SCAF11: variants seen among roughly 807,000 people sequenced by gnomAD.
SCAF11 encodes the protein protein SCAF11.
A neutral mutation model predicts 140.5 loss-of-function variants in SCAF11; 47 were observed. The ratio of observed to expected loss-of-function variants is 0.33; its 90% CI spans 0.26 to 0.43. SCAF11 has a LOEUF of 0.43. SCAF11 is among the 20% of genes least tolerant of loss of function. The probability of loss-of-function intolerance (pLI) is 1.00; values close to 1 mark genes in which losing one functional copy is unlikely to be tolerated. For synonymous variants in SCAF11, 557 were observed against 579.4 expected (o/e 0.96, Z 0.55); for missense variants, 1,645 against 1,705.1 (o/e 0.96, Z 0.62).
intron 6 of SCAF11, among the ~76,000 whole-genome samples, chr12:45,942,419 C>T (rs1348168439): frequency 6.6e-6 from 1 of 152,208 alleles, no homozygotes; most frequent in Non-Finnish European, 1.5e-5. Context: ...TCTTATTCGT[C>T]TATGATTTTC....
intron 3 of SCAF11, among the ~76,000 whole-genome samples, chr12:45,957,472 TC>T (rs1189667781): frequency 7.9e-5 from 12 of 152,166 alleles, no homozygotes; most frequent in Non-Finnish European, 1.0e-4. Context: ...TTTGACTTCT[TC>T]AAGAACTGCA....
At position 45,926,346 on chromosome 12, in the gene SCAF11, C is replaced by T. The variant is rs141591603; in HGVS notation, c.3355G>A (p.Glu1119Lys). The T allele has an allele frequency of 3.1e-6, 5 of 1,614,160 alleles. No homozygotes were observed. The highest frequency in any genetic ancestry group is 4.2e-6 in the Non-Finnish European group (5 of 1,180,008). ...CTTTTTCGCTTATAGGATTGCTGTT[C>T]CACAAACTTGAAAGATTCACTCCCT... is the stretch of plus-strand genomic sequence containing the variant. ...SSGSESFKFV[E>K]QQSYKRKSEQ... Residue 1119 changes from glutamate to lysine, a missense_variant, in exon 11 of 15, where the codon GAA becomes AAA. Glu to Lys is a moderately conservative substitution (Grantham distance 56). This residue lies in a region of SCAF11 where 1,582 missense variants were observed against 1,609.2 expected (regional missense o/e 0.98). Transcript: ENST00000369367.
chr12:45,952,571 T>C (rs1302974465), intron 3 of SCAF11, among the ~76,000 whole-genome samples: 1 of 152,236 alleles, frequency 6.6e-6, no homozygotes. Flanking sequence ...CCTTAAGTGA[T>C]ACTATGATTA....
intron 1 of SCAF11, among the ~76,000 whole-genome samples, chr12:45,988,909 A>C (rs2136679610): frequency 6.6e-6 from 1 of 152,342 alleles, no homozygotes; most frequent in Admixed American, 6.5e-5. Context: ...TTGCATAAAA[A>C]ATATAAATTC....
At chr12:45,951,853 C>A in intron 3 of SCAF11, 126 bp from the exon 4 acceptor site, 1 of 602,828 alleles carries the variant, frequency 1.7e-6, no homozygotes, top group Non-Finnish European at 2.8e-6. Flanking sequence ...TATTTTTATA[C>A]CTTAAATTTG....
chr12:45,935,512 G>C (rs1428694363), intron 6 of SCAF11, among the ~76,000 whole-genome samples: 1 of 152,174 alleles, frequency 6.6e-6, no homozygotes, highest in Non-Finnish European at 1.5e-5. Context: ...TAGGTACACA[G>C]ATAACACTCT....
upstream of SCAF11, chr12:45,990,607 C>T (rs1946578629): frequency 8.4e-7 from 1 of 1,196,094 alleles, no homozygotes; most frequent in Non-Finnish European, 1.0e-6. Context: ...CCTCCTCCCT[C>T]CCCTCCCCTC....
intron 6 of SCAF11, among the ~76,000 whole-genome samples, chr12:45,943,511 C>T (rs922382458): frequency 6.6e-6 from 1 of 152,098 alleles, no homozygotes; most frequent in Non-Finnish European, 1.5e-5. Flanking sequence ...AATCTTTCCA[C>T]CACCTAATTT....
At chr12:45,975,670 C>T (rs1383778590) in intron 1 of SCAF11, 1 of 152,718 alleles carries the variant, frequency 6.5e-6, no homozygotes, top group Non-Finnish European at 1.5e-5. Context: ...CTGGTTTGAC[C>T]TTCTACCCAG....
upstream of SCAF11, among the ~76,000 whole-genome samples, chr12:45,991,704 C>G (rs1946615937): frequency 6.6e-6 from 1 of 152,212 alleles, no homozygotes; most frequent in African/African-American, 2.4e-5. Context: ...TTGACTTTTT[C>G]AAAGTCACTG....
intron 11 of SCAF11, 116 bp from the exon 12 acceptor site, chr12:45,925,190 C>G: frequency 1.5e-6 from 1 of 672,562 alleles, no homozygotes; most frequent in Non-Finnish European, 2.5e-6. Flanking sequence ...CTCAGTATAC[C>G]AATACCAATC....
At chr12:45,989,121 CAT>C (rs1946531215) in intron 1 of SCAF11, among the ~76,000 whole-genome samples, 1 of 152,166 alleles carries the variant, frequency 6.6e-6, no homozygotes, top group Non-Finnish European at 1.5e-5. Context: ...GACTTGATTA[CAT>C]GTCAAAATTT....
intron 6 of SCAF11, among the ~76,000 whole-genome samples, chr12:45,938,103 C>T (rs1945210514): frequency 6.6e-6 from 1 of 152,198 alleles, no homozygotes; most frequent in South Asian, 2.1e-4. Flanking sequence ...CCATCCCCCT[C>T]ATACTGTTTT....
In SCAF11 at chr12:45,940,010, G is replaced by A. The variant is rs1945259208; in HGVS notation, c.463+5239C>T. Among the ~76,000 whole-genome samples the A allele has an allele frequency of 2.0e-5, 3 of 152,242 alleles. No homozygotes were observed. The South Asian group carries it at 6.2e-4, about 32-fold the overall frequency. On this transcript the variant is annotated intron_variant, in intron 6 of 14. Transcript: ENST00000369367. ...TTTAAGGATACAAGCTGTCTTTTCTGTTGCGTGACAGACTCATTTCTGCCC... is the reference window on the plus strand; with the variant it reads ...TTTAAGGATACAAGCTGTCTTTTCTATTGCGTGACAGACTCATTTCTGCCC...
At chr12:45,929,742 T>C (rs144055349) in intron 10 of SCAF11, 1 of 152,358 alleles carries the variant, frequency 6.6e-6, no homozygotes, top group East Asian at 1.9e-4. Flanking sequence ...CATGATGTTT[T>C]GAAGTACATA....
chr12:45,967,610 C>T (rs1945982035), intron 1 of SCAF11, among the ~76,000 whole-genome samples: 1 of 151,904 alleles, frequency 6.6e-6, no homozygotes, highest in African/African-American at 2.4e-5. Flanking sequence ...CGCCACTGCA[C>T]TCCAGCCTGG....
intron 12 of SCAF11, among the ~76,000 whole-genome samples, chr12:45,924,014 C>A (rs1944780866): frequency 6.6e-6 from 1 of 152,176 alleles, no homozygotes; most frequent in African/African-American, 2.4e-5. Flanking sequence ...CCACACCCGG[C>A]TAATTTTTGT....
intron 6 of SCAF11, among the ~76,000 whole-genome samples, chr12:45,939,330 T>C (rs929286227): frequency 6.6e-6 from 1 of 152,188 alleles, no homozygotes; most frequent in African/African-American, 2.4e-5. Flanking sequence ...GTATAACAAA[T>C]GACTTCAGAT....
At chr12:45,954,930 A>AT (rs1945648202) in intron 3 of SCAF11, 1 of 123,810 alleles carries the variant, frequency 8.1e-6, no homozygotes, top group East Asian at 2.8e-4. Flanking sequence ...TCTGAGTAAG[A>AT]TTCCCCCCCT....
Sources: allele counts gnomAD v4.1 joint callset (sites outside exome capture counted in the v4.1 genomes callset), GRCh38; gene constraint gnomAD v4.1.1; regional missense constraint gnomAD v4.1.1; transcripts MANE v1.5; gene names NCBI Gene and HGNC (gene_info 2026-07-23, HGNC 2026-07-21).